The following LIN52 variants were observed in gnomAD, a reference collection of about 807,000 sequenced individuals.
LIN52 encodes protein lin-52 homolog.
A neutral mutation model predicts 18.5 loss-of-function variants in LIN52; 4 were observed. That is an observed-to-expected ratio of 0.22 (90% CI 0.11 to 0.49). The LOEUF (loss-of-function observed/expected upper bound fraction) is 0.49. LIN52 is among the 20% of genes least tolerant of loss of function. The probability of loss-of-function intolerance (pLI) is 0.97; values close to 1 mark genes in which losing one functional copy is unlikely to be tolerated. For missense variants in LIN52, 102 were observed against 139.5 expected (o/e 0.73, Z 1.35); for synonymous variants, 34 against 45.5 (o/e 0.75, Z 1.02).
intron 5 of LIN52, among the ~76,000 whole-genome samples, chr14:74,163,362 G>A (rs61547932): frequency 3.9e-5 from 6 of 152,232 alleles, no homozygotes; most frequent in Admixed American, 6.5e-5. Context: ...GGTTACAAGC[G>A]TGAGCCACTG....
At chr14:74,093,784 G>A (rs1467074647) in intron 2 of LIN52, among the ~76,000 whole-genome samples, 3 of 152,140 alleles carry the variant, frequency 2.0e-5, no homozygotes, top group Non-Finnish European at 4.4e-5. Context: ...TAGCTAACAT[G>A]GCGAAACCCC....
chr14:74,103,733 GTTTTTTTTTT>G (rs573188668), intron 5 of LIN52, among the ~76,000 whole-genome samples: 1,670 of 46,016 alleles, frequency 0.036, 61 homozygotes, highest in African/African-American at 0.1. Context: ...GGCCTGGCCA[GTTTTTTTTTT>G]TTTTTTTTTT....
chr14:74,147,985 G>A (rs2061159661), intron 5 of LIN52, among the ~76,000 whole-genome samples: 6 of 152,094 alleles, frequency 3.9e-5, no homozygotes, highest in Admixed American at 3.9e-4. Flanking sequence ...TTAAAGTGGG[G>A]GAAGGTGACT....
At chr14:74,126,340 T>A (rs1432042158) in intron 5 of LIN52, among the ~76,000 whole-genome samples, 1 of 152,162 alleles carries the variant, frequency 6.6e-6, no homozygotes, top group Non-Finnish European at 1.5e-5. Context: ...TTCAAAAGGT[T>A]AAAAGGTAGA....
intron 5 of LIN52, among the ~76,000 whole-genome samples, chr14:74,187,547 A>G (rs1479658615): frequency 6.6e-6 from 1 of 152,198 alleles, no homozygotes; most frequent in Non-Finnish European, 1.5e-5. Context: ...TTCATTATCC[A>G]TTTTTATTGT....
chr14:74,140,079 C>T (rs1486628612), intron 5 of LIN52, among the ~76,000 whole-genome samples: 6 of 151,842 alleles, frequency 4.0e-5, no homozygotes, highest in African/African-American at 1.2e-4. Context: ...CCTAAGAACA[C>T]TTCAGCAAAA....
intron 5 of LIN52, among the ~76,000 whole-genome samples, chr14:74,112,099 T>G (rs1292628483): frequency 6.6e-6 from 1 of 152,030 alleles, no homozygotes; most frequent in Non-Finnish European, 1.5e-5. Flanking sequence ...AGGCTGGTCT[T>G]GAACTCCTGA....
intron 2 of LIN52, among the ~76,000 whole-genome samples, chr14:74,091,773 C>CA (rs573705378): frequency 0.016 from 1,009 of 63,954 alleles, 11 homozygotes; most frequent in African/African-American, 0.023. Context: ...GACTCTGTCT[C>CA]AAAAAAAAAA....
intron 5 of LIN52, among the ~76,000 whole-genome samples, chr14:74,171,593 C>G (rs2061270764): frequency 6.6e-6 from 1 of 151,766 alleles, no homozygotes; most frequent in Non-Finnish European, 1.5e-5. Flanking sequence ...AGCCATTATA[C>G]TAGAAATTTA....
chr14:74,110,705 C>G (rs1299892869), intron 5 of LIN52, among the ~76,000 whole-genome samples: 1 of 146,362 alleles, frequency 6.8e-6, no homozygotes, highest in Non-Finnish European at 1.5e-5. Flanking sequence ...TGCCTCACGC[C>G]TGCAATCCCA....
At chr14:74,114,651 G>A (rs560194069) in intron 5 of LIN52, among the ~76,000 whole-genome samples, 30 of 152,094 alleles carry the variant, frequency 2.0e-4, no homozygotes, top group Non-Finnish European at 4.0e-4. Flanking sequence ...TTTGTAGGCA[G>A]GCATCTTTAT....
intron 4 of LIN52, 103 bp downstream of exon 4, chr14:74,097,963 G>T: frequency 2.5e-6 from 2 of 808,648 alleles, no homozygotes; most frequent in East Asian, 2.7e-5. Flanking sequence ...TTTGGCTTCA[G>T]ACTTCTCATT....
At chr14:74,153,715 T>C (rs1330647957) in intron 5 of LIN52, among the ~76,000 whole-genome samples, 11 of 152,214 alleles carry the variant, frequency 7.2e-5, no homozygotes, top group African/African-American at 2.4e-4. Flanking sequence ...GGCTAATTTT[T>C]GTATTTTTAG....
chr14:74,162,463 G>T (rs2061229799), intron 5 of LIN52, among the ~76,000 whole-genome samples: 1 of 98,358 alleles, frequency 1.0e-5, no homozygotes, highest in East Asian at 2.6e-4. Context: ...AACAAAGCAA[G>T]ACTCCATCTC....
chr14:74,186,913 T>TA (rs1257234442), intron 5 of LIN52, among the ~76,000 whole-genome samples: 5 of 152,138 alleles, frequency 3.3e-5, no homozygotes, highest in African/African-American at 1.2e-4. Flanking sequence ...ACCCCATCTC[T>TA]CCTGAAAATA....
chr14:74,141,432 T>C (rs746040654), intron 5 of LIN52, among the ~76,000 whole-genome samples: 1 of 152,242 alleles, frequency 6.6e-6, no homozygotes, highest in Non-Finnish European at 1.5e-5. Flanking sequence ...GATTTCACTA[T>C]ATGGATGTAC....
intron 5 of LIN52, among the ~76,000 whole-genome samples, chr14:74,170,399 A>T (rs901086742): frequency 1.3e-5 from 2 of 152,170 alleles, no homozygotes; most frequent in Non-Finnish European, 2.9e-5. Context: ...GTTCTTAAGC[A>T]TAATTATTAA....
intron 5 of LIN52, among the ~76,000 whole-genome samples, chr14:74,117,903 T>C (rs2060974525): frequency 6.6e-6 from 1 of 152,078 alleles, no homozygotes; most frequent in African/African-American, 2.4e-5. Flanking sequence ...ACTAAAAGCT[T>C]GTTACTTTTC....
chr14:74,086,199 A>C (rs1002005337), intron 1 of LIN52, among the ~76,000 whole-genome samples: 4 of 152,118 alleles, frequency 2.6e-5, no homozygotes, highest in African/African-American at 9.7e-5. Context: ...TGTCTTGTTC[A>C]TAGTTGGATC....
Sources: gnomAD v4.1 joint callset for allele counts (sites outside exome capture counted in the v4.1 genomes callset) on GRCh38, gnomAD v4.1.1 for gene constraint, MANE v1.5 for transcripts, NCBI Gene and HGNC (gene_info 2026-07-23, HGNC 2026-07-21) for gene names.